PDE1A: variants seen among roughly 807,000 people sequenced by gnomAD.
The protein encoded by PDE1A is dual specificity calcium/calmodulin-dependent 3',5'-cyclic nucleotide phosphodiesterase 1A.
In PDE1A, 35 loss-of-function variants were observed where a neutral mutation model predicts 61.7. The observed-to-expected ratio is 0.57, with a 90% CI of 0.43 to 0.75. PDE1A has a LOEUF of 0.75. PDE1A is among the 30% of genes least tolerant of loss of function. PDE1A has a pLI of 0.00. For synonymous variants in PDE1A, 232 were observed against 213.2 expected (o/e 1.09, Z -0.77); for missense variants, 597 against 630.6 (o/e 0.95, Z 0.57).
At chr2:182,171,215 T>C (rs989283676) in intron 13 of PDE1A, among the ~76,000 whole-genome samples, 13 of 152,142 alleles carry the variant, frequency 8.5e-5, no homozygotes, top group Non-Finnish European at 1.3e-4. Flanking sequence ...ATGTAGGTCA[T>C]AGGTACAGTG....
chr2:182,540,663 A>T, the PDE1A span, among the ~76,000 whole-genome samples: 1 of 152,200 alleles, frequency 6.6e-6, no homozygotes, highest in African/African-American at 2.4e-5. Flanking sequence ...TTTTACATTC[A>T]AAATTATATA....
chr2:182,642,606 G>C, the PDE1A span, among the ~76,000 whole-genome samples: 1 of 152,124 alleles, frequency 6.6e-6, no homozygotes, highest in Non-Finnish European at 1.5e-5. Flanking sequence ...AGGCCACACC[G>C]GTTGTTATGA....
chr2:182,203,319 GA>G (rs201836568), intron 8 of PDE1A, among the ~76,000 whole-genome samples: 56 of 132,484 alleles, frequency 4.2e-4, no homozygotes, highest in African/African-American at 1.5e-3. Context: ...GACTCCGTCT[GA>G]AAAAAAAACA....
chr2:182,415,117 T>C (rs997283853), intron 1 of PDE1A, among the ~76,000 whole-genome samples: 4 of 152,156 alleles, frequency 2.6e-5, no homozygotes, highest in African/African-American at 7.2e-5. Flanking sequence ...TTTACCACTC[T>C]GTACCACATA....
rs59800557 is a variant in PDE1A at position 182,285,397 on chromosome 2, C to T, written c.54-20983G>A. Among the ~76,000 whole-genome samples, 1,409 of 152,002 alleles carry T rather than the reference C, an allele frequency of 9.3e-3. 18 individuals carry two copies. The highest frequency in any genetic ancestry group is 0.032 in the African/African-American group (1,307 of 41,452). Reference sequence around the variant, plus strand: ...ATGCATGAACCGACCCTTATTTGTACCAAATTTGCTAACCACTAATTTAAT... The same window carrying T: ...ATGCATGAACCGACCCTTATTTGTATCAAATTTGCTAACCACTAATTTAAT... On this transcript the variant is annotated intron_variant, in intron 1 of 13. Coordinates refer to ENST00000351439, the Ensembl canonical transcript of PDE1A.
At chr2:182,495,231 G>C (rs1688640139) in intron 2 of PDE1A, among the ~76,000 whole-genome samples, 1 of 152,102 alleles carries the variant, frequency 6.6e-6, no homozygotes. Context: ...CCTTTTCCTT[G>C]GGGTGGTAAG....
intron 2 of PDE1A, among the ~76,000 whole-genome samples, chr2:182,443,700 C>CTT (rs1213330952): frequency 2.9e-4 from 39 of 134,252 alleles, no homozygotes; most frequent in African/African-American, 5.1e-4. Flanking sequence ...TTCTTTTTTC[C>CTT]TTTTTTTTTT....
intron 2 of PDE1A, among the ~76,000 whole-genome samples, chr2:182,247,264 AGTAT>A (rs1559248441): frequency 1.3e-5 from 2 of 152,228 alleles, no homozygotes; most frequent in African/African-American, 4.8e-5. Flanking sequence ...ACTTAAAAAA[AGTAT>A]GCATTGTTTA....
intron 1 of PDE1A, among the ~76,000 whole-genome samples, chr2:182,303,694 A>T (rs1695391319): frequency 6.6e-6 from 1 of 152,032 alleles, no homozygotes; most frequent in Non-Finnish European, 1.5e-5. Context: ...CTTGGCATTG[A>T]CTTCTCCTAT....
At chr2:182,231,833 T>C (rs1277853375) in intron 4 of PDE1A, among the ~76,000 whole-genome samples, 9 of 152,078 alleles carry the variant, frequency 5.9e-5, no homozygotes, top group Admixed American at 5.9e-4. Flanking sequence ...GAGAATCGCT[T>C]GAACCCAGGA....
At chr2:182,352,109 T>C (rs1005561278) in intron 1 of PDE1A, among the ~76,000 whole-genome samples, 8 of 152,218 alleles carry the variant, frequency 5.3e-5, no homozygotes, top group African/African-American at 1.9e-4. Flanking sequence ...AACCACTTTT[T>C]ACCCAGGCTA....
rs759569115 is a variant in PDE1A, at chr2:182,201,652, A to AAAG, written c.1004+35_1004+36insCTT. ...AAGCCCCTGGAACTTTAACATGACA[A>AAAG]AAAAAAAAAAACAACAAAAAAAACA... On this transcript the variant is annotated intron_variant, in intron 9 of 13. Transcript: ENST00000351439. The AAAG allele has an allele frequency of 7.4e-5, 114 of 1,534,342 alleles. 1 individual carries two copies. In the South Asian group the frequency reaches 1.4e-3, roughly 18 times the overall value.
In PDE1A at chr2:182,232,405, G is replaced by A. The variant is rs550639505; in HGVS notation, c.418-1274C>T. Among the ~76,000 whole-genome samples the A allele has an allele frequency of 4.6e-5, 7 of 152,260 alleles. No individual in the cohort carries two copies. The South Asian group carries it at 8.3e-4, about 18-fold the overall frequency. On this transcript the variant is annotated intron_variant, in intron 4 of 13. Transcript: ENST00000351439. ...GTTAATTTTCTATTTGAGTAGGCAC[G>A]TTTCAAATTTCATTCAACACATTTT...
chr2:182,398,106 AAGAG>A (rs199544359), intron 1 of PDE1A, among the ~76,000 whole-genome samples: 34 of 152,042 alleles, frequency 2.2e-4, no homozygotes, highest in Admixed American at 3.9e-4. Context: ...AAATGACAAA[AAGAG>A]AGAAAATGTA....
At chr2:182,699,519 A>G in the PDE1A span, among the ~76,000 whole-genome samples, 5 of 152,180 alleles carry the variant, frequency 3.3e-5, no homozygotes, top group African/African-American at 1.2e-4. Context: ...ATGAAGATGT[A>G]TTTTTTCTTC....
At chr2:182,571,519 GTCTC>G in the PDE1A span, among the ~76,000 whole-genome samples, 1 of 152,004 alleles carries the variant, frequency 6.6e-6, no homozygotes, top group African/African-American at 2.4e-5. Context: ...GGAAGCTGAT[GTCTC>G]TCTCTACATC....
At chr2:182,466,953 G>T (rs1004193816) in intron 2 of PDE1A, among the ~76,000 whole-genome samples, 1 of 151,978 alleles carries the variant, frequency 6.6e-6, no homozygotes, top group African/African-American at 2.4e-5. Context: ...TCCCATACGG[G>T]TATACTAAGA....
chr2:182,608,363 C>T, the PDE1A span, among the ~76,000 whole-genome samples: 1 of 152,248 alleles, frequency 6.6e-6, no homozygotes, highest in Non-Finnish European at 1.5e-5. Flanking sequence ...GGCCTTGGCG[C>T]CCACTCTGGC....
chr2:182,330,619 G>A (rs936601560), intron 1 of PDE1A, among the ~76,000 whole-genome samples: 4 of 151,912 alleles, frequency 2.6e-5, no homozygotes, highest in South Asian at 2.1e-4. Context: ...CCCCTCTGTC[G>A]CCCTCCTGCC....
Sources: allele counts gnomAD v4.1 joint callset (sites outside exome capture counted in the v4.1 genomes callset), GRCh38; gene constraint gnomAD v4.1.1; transcripts MANE v1.5; gene names NCBI Gene and HGNC (gene_info 2026-07-23, HGNC 2026-07-21).